Variants in DGKB observed in about 807,000 individuals in gnomAD.
DGKB encodes 90 kDa diacylglycerol kinase.
Under a neutral mutation model 114.3 loss-of-function variants are expected in DGKB, and 67 were observed. That is an observed-to-expected ratio of 0.59 (90% confidence interval 0.48 to 0.72). The LOEUF is 0.72. Ranked by LOEUF, DGKB falls within the 30% of genes least tolerant of loss-of-function variation. The pLI is 0.00. For synonymous variants in DGKB, 398 were observed against 323.1 expected, an observed-to-expected ratio of 1.23 and a Z score of -2.49; for missense variants, 907 against 975.2, an observed-to-expected ratio of 0.93 and a Z score of 0.93.
intron 2 of DGKB, among the ~76,000 whole-genome samples, chr7:14,834,825 T>C (rs1562665898): frequency 1.3e-5 from 2 of 152,136 alleles, no homozygotes; most frequent in African/African-American, 4.8e-5. Context: ...ATGGATTTTT[T>C]GGGGGGAGGT....
intron 20 of DGKB, among the ~76,000 whole-genome samples, chr7:14,570,735 A>T (rs565855444): frequency 6.6e-6 from 1 of 152,148 alleles, no homozygotes; most frequent in African/African-American, 2.4e-5. Context: ...GAAGAAGAGA[A>T]GGGGTTGATC....
chr7:14,408,190 G>C (rs1038425630), intron 21 of DGKB, among the ~76,000 whole-genome samples: 4 of 151,966 alleles, frequency 2.6e-5, no homozygotes, highest in African/African-American at 9.7e-5. Context: ...TTGAAGTTTT[G>C]GTCTCTGAGG....
chr7:14,241,342 A>C (rs941460866), intron 23 of DGKB, among the ~76,000 whole-genome samples: 6 of 152,240 alleles, frequency 3.9e-5, no homozygotes, highest in African/African-American at 1.4e-4. Flanking sequence ...TAATTCTATA[A>C]AGGTCAGCAA....
At chr7:14,251,669 T>C in intron 23 of DGKB, among the ~76,000 whole-genome samples, 1 of 152,204 alleles carries the variant, frequency 6.6e-6, no homozygotes, top group East Asian at 1.9e-4. Context: ...CTAGCTTTTC[T>C]TTTAAGTTAG....
upstream of DGKB, among the ~76,000 whole-genome samples, chr7:14,905,875 A>AT (rs1783678483): frequency 6.6e-6 from 1 of 152,198 alleles, no homozygotes; most frequent in Admixed American, 6.5e-5. Context: ...TGGGAAGATA[A>AT]GTGAGCTGGA....
In DGKB at chr7:14,260,654, G is replaced by A. The variant is rs1796636331; in HGVS notation, c.2122+77861C>T. The stretch of plus-strand genomic sequence containing the variant: ...AGGAACTTTCTATCGGTATAATTAG[G>A]GGTGAGACCTCAGCTTATTAAAGTT... On this transcript the variant is annotated intron_variant, in intron 23 of 25. Transcript: ENST00000402815. 1.3e-5 allele frequency among the ~76,000 whole-genome samples: 2 copies of A among 152,046 alleles called. 1 individual carries two copies. The highest frequency in any genetic ancestry group is 4.1e-4 in the South Asian group (2 of 4,820).
intron 5 of DGKB, among the ~76,000 whole-genome samples, 165 bp downstream of exon 5, chr7:14,735,876 T>G (rs1175000954): frequency 6.6e-6 from 1 of 152,240 alleles, no homozygotes; most frequent in Non-Finnish European, 1.5e-5. Context: ...TAGCTATAAT[T>G]TTACTGGAAA....
At chr7:14,798,008 C>G (rs1841642200) in intron 2 of DGKB, among the ~76,000 whole-genome samples, 1 of 152,142 alleles carries the variant, frequency 6.6e-6, no homozygotes, top group South Asian at 2.1e-4. Flanking sequence ...GACCCGAAAT[C>G]AGGTTGCTGT....
upstream of DGKB, among the ~76,000 whole-genome samples, chr7:14,905,834 G>C (rs953984571): frequency 6.6e-6 from 1 of 152,190 alleles, no homozygotes; most frequent in African/African-American, 2.4e-5. Context: ...GAATACGTGA[G>C]TGAATGAATT....
chr7:14,873,889 T>G (rs1852854888), intron 1 of DGKB, among the ~76,000 whole-genome samples: 1 of 152,096 alleles, frequency 6.6e-6, no homozygotes, highest in Admixed American at 6.6e-5. Context: ...GTATCCTCTT[T>G]GTAAAATATT....
intron 20 of DGKB, among the ~76,000 whole-genome samples, chr7:14,495,929 A>G (rs1371272512): frequency 6.6e-6 from 1 of 151,840 alleles, no homozygotes; most frequent in African/African-American, 2.4e-5. Flanking sequence ...CACACAAAAA[A>G]AAGAGACAAG....
At chr7:14,885,501 G>A (rs1854907111) in intron 1 of DGKB, among the ~76,000 whole-genome samples, 2 of 151,680 alleles carry the variant, frequency 1.3e-5, no homozygotes, top group Non-Finnish European at 2.9e-5. Context: ...TCGTGAGGAG[G>A]GTCAACTGCT....
At chr7:14,801,919 T>TACAC (rs1384121588) in intron 2 of DGKB, among the ~76,000 whole-genome samples, 173 of 126,480 alleles carry the variant, frequency 1.4e-3, no homozygotes, top group Admixed American at 2.7e-3. Context: ...CACACATATA[T>TACAC]ACATATACAC....
intron 2 of DGKB, among the ~76,000 whole-genome samples, chr7:14,780,183 C>G (rs1838852400): frequency 6.6e-6 from 1 of 152,128 alleles, no homozygotes; most frequent in Non-Finnish European, 1.5e-5. Context: ...CAGCCTAAAG[C>G]ACATGATGAA....
intron 1 of DGKB, among the ~76,000 whole-genome samples, chr7:14,962,458 A>G (rs1402568157): frequency 6.6e-6 from 1 of 152,184 alleles, no homozygotes; most frequent in African/African-American, 2.4e-5. Context: ...TCTGAGGTAT[A>G]GAGTATGTGT....
intron 20 of DGKB, among the ~76,000 whole-genome samples, chr7:14,513,025 A>G (rs953099852): frequency 9.9e-5 from 15 of 152,252 alleles, no homozygotes; most frequent in Non-Finnish European, 1.3e-4. Flanking sequence ...GCATGTAGCC[A>G]AAAGAAAATT....
At chr7:14,708,722 C>A (rs1200171596) in intron 6 of DGKB, among the ~76,000 whole-genome samples, 1 of 151,184 alleles carries the variant, frequency 6.6e-6, no homozygotes, top group South Asian at 2.1e-4. Flanking sequence ...GGAAAGGATT[C>A]CCTATTTAAT....
In DGKB at chr7:14,313,990, T is replaced by C. The variant is rs181016206; in HGVS notation, c.2122+24525A>G. Among the ~76,000 whole-genome samples the C allele has an allele frequency of 2.1e-3, 315 of 151,570 alleles. 1 individual carries two copies. Among genetic ancestry groups the C allele is most frequent in the African/African-American group, 6.9e-3 (285 of 41,166 alleles). On this transcript the variant is annotated intron_variant, in intron 23 of 25. Coordinates refer to ENST00000402815, the MANE Select transcript of DGKB (RefSeq NM_001350709.2). ...TCCCTCACCCCTGACCCCCGAGCAG[T>C]TTAACTGCGAGGCACCCTCCAGCAG...
intron 25 of DGKB, among the ~76,000 whole-genome samples, chr7:14,152,582 G>A (rs1323303278): frequency 6.6e-6 from 1 of 151,968 alleles, no homozygotes; most frequent in African/African-American, 2.4e-5. Context: ...TTCTTCCACT[G>A]CCCATGACTA....
Sources: gnomAD v4.1 joint callset for allele counts (sites outside exome capture counted in the v4.1 genomes callset) on GRCh38, gnomAD v4.1.1 for gene constraint, MANE v1.5 for transcripts, NCBI Gene and HGNC (gene_info 2026-07-23, HGNC 2026-07-21) for gene names.